The following ENTPD7 variants were observed in gnomAD, a reference collection of about 807,000 sequenced individuals.
ENTPD7 encodes NTPDase 7.
Under a neutral mutation model 77.9 loss-of-function variants are expected in ENTPD7, and 53 were observed. The ratio of observed to expected loss-of-function variants is 0.68; its 90% CI spans 0.55 to 0.85. The LOEUF (loss-of-function observed/expected upper bound fraction) is 0.85. Ranked by LOEUF, ENTPD7 falls within the 40% of genes least tolerant of loss-of-function variation. The pLI is 0.00. For missense variants in ENTPD7, 636 were observed against 743.7 expected (o/e 0.86, Z 1.68); for synonymous variants, 248 against 274.9 (o/e 0.90, Z 0.97).
intron 3 of ENTPD7, among the ~76,000 whole-genome samples, chr10:99,677,935 A>G (rs1388112900): frequency 2.0e-5 from 3 of 152,116 alleles, no homozygotes; most frequent in Non-Finnish European, 4.4e-5. Context: ...AAACCTTGCT[A>G]TGTTTCATGG....
chr10:99,677,160 T>C (rs2133455803), intron 3 of ENTPD7, among the ~76,000 whole-genome samples: 1 of 152,258 alleles, frequency 6.6e-6, no homozygotes, highest in African/African-American at 2.4e-5. Context: ...GTGAAGCTAA[T>C]GATCCCTATA....
intron 12 of ENTPD7, among the ~76,000 whole-genome samples, 175 bp downstream of exon 12, chr10:99,702,848 C>T (rs576268422): frequency 6.6e-6 from 1 of 152,314 alleles, no homozygotes; most frequent in East Asian, 1.9e-4. Context: ...ACTGTTACTA[C>T]CAGGCATGCT....
intron 12 of ENTPD7, among the ~76,000 whole-genome samples, 200 bp downstream of exon 12, chr10:99,702,873 G>A (rs561874927): frequency 1.3e-5 from 2 of 152,302 alleles, no homozygotes; most frequent in Admixed American, 6.5e-5. Flanking sequence ...CAGAAAGAAG[G>A]TTGAGCATTA....
intron 3 of ENTPD7, among the ~76,000 whole-genome samples, chr10:99,670,570 C>T (rs958667809): frequency 1.3e-5 from 2 of 152,206 alleles, no homozygotes; most frequent in Non-Finnish European, 1.5e-5. Context: ...GCCTACTACA[C>T]ACTGAGGCTG....
At position 99,708,640 on chromosome 10, in the gene ENTPD7, GCCT is replaced by G. The variant is rs749478724; in HGVS notation, c.*3961_*3963del. ...TTAGAAGACCAGGCTGCCCAAAAGA[GCCT>G]CCTATTTTATCCATAACCCCTGATG... On this transcript the variant is annotated 3_prime_UTR_variant, in exon 13 of 13. Coordinates refer to ENST00000370489, the MANE Select transcript of ENTPD7 (RefSeq NM_020354.5). 1.5e-5 allele frequency: 3 copies of G among 194,286 alleles called. No individual in the cohort carries two copies. The highest frequency in any genetic ancestry group is 2.8e-5 in the Non-Finnish European group (3 of 106,434). The allele number at this position is 194,286 out of a possible 1,614,324, so 12.0% of individuals were successfully genotyped here.
At chr10:99,684,158 C>T (rs1356571579) in intron 5 of ENTPD7, among the ~76,000 whole-genome samples, 2 of 152,118 alleles carry the variant, frequency 1.3e-5, no homozygotes, top group Non-Finnish European at 2.9e-5. Flanking sequence ...CGGGTTCAAG[C>T]GATTCTCCTG....
chr10:99,708,019 C>G lies in ENTPD7; in HGVS notation c.*3336C>G, dbSNP rs2036286574. Among the ~76,000 whole-genome samples the G allele has an allele frequency of 6.6e-6, 1 of 152,124 alleles. No individual in the cohort carries two copies. Among genetic ancestry groups the G allele is most frequent in the Non-Finnish European group, 1.5e-5 (1 of 68,002 alleles). On this transcript the variant is annotated 3_prime_UTR_variant, in exon 13 of 13. Transcript: ENST00000370489. ...CATCACCAGGTGGTGAGCATAGTAC[C>G]TAACAGATAGTTCTTTAATCCATGC...
chr10:99,663,762 A>G (rs114705081), intron 3 of ENTPD7, among the ~76,000 whole-genome samples: 4 of 152,064 alleles, frequency 2.6e-5, no homozygotes, highest in African/African-American at 7.2e-5. Flanking sequence ...TGCCCTGCTT[A>G]CCTGATTCTT....
chr10:99,686,818 G>A (rs1360083878), intron 6 of ENTPD7, among the ~76,000 whole-genome samples: 1 of 150,946 alleles, frequency 6.6e-6, no homozygotes, highest in Non-Finnish European at 1.5e-5. Context: ...ATTACATTAT[G>A]AGACTCTGGG....
chr10:99,709,478 TG>T lies in ENTPD7; in HGVS notation c.*4796del, dbSNP rs1198753459. The T allele has an allele frequency of 4.1e-6, 4 of 985,326 alleles. No individual in the cohort carries two copies. The African/African-American group carries it at 7.0e-5, about 17-fold the overall frequency. 61.0% of individuals were successfully genotyped at this position (985,326 alleles called of 1,614,324 possible). A position where few individuals can be genotyped will look rare whatever the true frequency, so the allele number is the denominator to read the frequency against. On this transcript the variant is annotated 3_prime_UTR_variant, in exon 13 of 13. Coordinates refer to ENST00000370489, the MANE Select transcript of ENTPD7 (RefSeq NM_020354.5). ...TTCCTGGTGTTACAAAAAATATTGC[TG>T]TTAAAAAACTAAGACTCAAAACCAA...
chr10:99,693,946 A>G (rs1168389403), intron 8 of ENTPD7, among the ~76,000 whole-genome samples: 2 of 152,130 alleles, frequency 1.3e-5, no homozygotes, highest in African/African-American at 4.8e-5. Context: ...AACTACACAT[A>G]GCAATATAAT....
chr10:99,677,049 G>A (rs2035689604), intron 3 of ENTPD7, among the ~76,000 whole-genome samples: 1 of 152,168 alleles, frequency 6.6e-6, no homozygotes, highest in South Asian at 2.1e-4. Flanking sequence ...AAGGAATAGT[G>A]TGGTTTTGTC....
At chr10:99,672,405 A>G (rs186228095) in intron 3 of ENTPD7, among the ~76,000 whole-genome samples, 17 of 151,150 alleles carry the variant, frequency 1.1e-4, no homozygotes, top group Non-Finnish European at 2.2e-4. Context: ...TCCCAGGCTT[A>G]AGCAATCCTC....
intron 3 of ENTPD7, 69 bp downstream of exon 3, chr10:99,661,697 C>T: frequency 2.2e-6 from 3 of 1,342,026 alleles, no homozygotes; most frequent in Non-Finnish European, 3.0e-6. Flanking sequence ...ACACTACTGA[C>T]TTTGACCCTT....
In ENTPD7 at chr10:99,696,194, A is replaced by G. The variant is rs1229432535; in HGVS notation, c.1010+72A>G. On this transcript the variant is annotated intron_variant, in intron 9 of 12. Coordinates refer to ENST00000370489, the MANE Select transcript of ENTPD7 (RefSeq NM_020354.5). ...GCAGATATTAGGGAGAAATACTCAC[A>G]TCCTCCTAAGACAGATAAGTCCCTG... is the stretch of plus-strand genomic sequence containing the variant. 8 of 1,550,158 alleles carry G rather than the reference A, an allele frequency of 5.2e-6. No homozygotes were observed. The Admixed American group carries it at 7.1e-5, about 14-fold the overall frequency.
intron 4 of ENTPD7, 103 bp from the exon 5 acceptor site, chr10:99,679,622 T>C: frequency 6.8e-7 from 1 of 1,470,134 alleles, no homozygotes; most frequent in Non-Finnish European, 9.1e-7. Context: ...AATAAATAAA[T>C]GTTTAGGACC....
chr10:99,686,547 G>A (rs1392582563), intron 6 of ENTPD7, among the ~76,000 whole-genome samples: 1 of 152,036 alleles, frequency 6.6e-6, no homozygotes, highest in East Asian at 1.9e-4. Flanking sequence ...GCATTTTTCA[G>A]TTGTAAAATT....
Position 99,698,727 on chromosome 10 carries a change from G to A in ENTPD7, c.1204G>A (p.Gly402Ser). Reference sequence around the variant, plus strand: ...CAACACCAGCCAGGCCTCACTCAATGGCATATATCAATCGCCTATTGACTT... The same window carrying A: ...CAACACCAGCCAGGCCTCACTCAATAGCATATATCAATCGCCTATTGACTT... Reference protein sequence around the residue: ...RSNTSQASLNGIYQSPIDFNN... With the variant: ...RSNTSQASLNSIYQSPIDFNN... The change falls in exon 10 of 13, where the codon GGC (glycine) becomes AGC (serine). Residue 402 changes from glycine (G) to serine (S), a missense_variant. Around this residue, in one of 3 missense-constraint regions of ENTPD7, gnomAD observed 486 missense variants for 556.5 expected, o/e 0.87. Coordinates refer to ENST00000370489, the MANE Select transcript of ENTPD7 (RefSeq NM_020354.5). The A allele has an allele frequency of 3.1e-6, 5 of 1,614,180 alleles. No homozygotes were observed. The highest frequency in any genetic ancestry group is 4.2e-6 in the Non-Finnish European group (5 of 1,180,032).
intron 10 of ENTPD7, among the ~76,000 whole-genome samples, chr10:99,700,536 G>C (rs892797928): frequency 6.6e-6 from 1 of 151,906 alleles, no homozygotes; most frequent in South Asian, 2.1e-4. Context: ...CTGGCATCTA[G>C]AACAGCACCT....
Sources: gnomAD v4.1 joint callset for allele counts (sites outside exome capture counted in the v4.1 genomes callset) on GRCh38, gnomAD v4.1.1 for gene constraint, gnomAD v4.1.1 regional missense constraint, MANE v1.5 for transcripts, NCBI Gene and HGNC (gene_info 2026-07-23, HGNC 2026-07-21) for gene names.